The following SEMA6D variants were observed in gnomAD, a reference collection of about 807,000 sequenced individuals.
The protein encoded by SEMA6D is semaphorin-6D.
A neutral mutation model predicts 106.6 loss-of-function variants in SEMA6D; 35 were observed. That is an observed-to-expected ratio of 0.33 (90% confidence interval 0.25 to 0.44). SEMA6D has a LOEUF of 0.44. Ranked by LOEUF, SEMA6D falls within the 20% of genes least tolerant of loss-of-function variation. The pLI, the probability that SEMA6D is intolerant of heterozygous loss-of-function variation, is 1.00. For synonymous variants in SEMA6D, 499 were observed against 487.7 expected, an observed-to-expected ratio of 1.02 and a Z score of -0.31; for missense variants, 1,185 against 1,345.9, an observed-to-expected ratio of 0.88 and a Z score of 1.87.
intron 1 of SEMA6D, among the ~76,000 whole-genome samples, chr15:47,754,668 A>AT (rs2081615363): frequency 6.6e-6 from 1 of 152,132 alleles, no homozygotes; most frequent in South Asian, 2.1e-4. Context: ...GCTTATAATC[A>AT]TATCAGTTTT....
At chr15:47,302,761 C>G (rs2036073121) in intron 1 of SEMA6D, among the ~76,000 whole-genome samples, 1 of 152,158 alleles carries the variant, frequency 6.6e-6, no homozygotes, top group Non-Finnish European at 1.5e-5. Context: ...CCTCTGGAAG[C>G]AGGAAAAAGC....
chr15:47,763,190 C>A, intron 9 of SEMA6D, 86 bp downstream of exon 9: 2 of 1,018,690 alleles, frequency 2.0e-6, no homozygotes, highest in Non-Finnish European at 2.9e-6. Context: ...GCTCACTTGG[C>A]ATGTTTTCCA....
chr15:47,518,515 GCTC>G (rs2044463554), intron 3 of SEMA6D, among the ~76,000 whole-genome samples: 2 of 152,186 alleles, frequency 1.3e-5, no homozygotes, highest in Admixed American at 6.5e-5. Context: ...ATAGCCCATT[GCTC>G]CTCAGCTACA....
chr15:47,412,145 A>G (rs1414825471), intron 1 of SEMA6D, among the ~76,000 whole-genome samples: 2 of 152,034 alleles, frequency 1.3e-5, no homozygotes, highest in African/African-American at 4.8e-5. Context: ...GCTTGTATTC[A>G]TGAATAGCCT....
chr15:47,215,760 C>G (rs1369020845), intron 1 of SEMA6D, among the ~76,000 whole-genome samples: 1 of 152,066 alleles, frequency 6.6e-6, no homozygotes, highest in Non-Finnish European at 1.5e-5. Context: ...TCTTGCTCAC[C>G]TATAGAACAC....
chr15:47,201,677 T>C (rs991592430), intron 1 of SEMA6D, among the ~76,000 whole-genome samples: 3 of 152,130 alleles, frequency 2.0e-5, no homozygotes, highest in Non-Finnish European at 4.4e-5. Flanking sequence ...GCCGTAATGT[T>C]TAACCATACC....
At chr15:47,471,904 TTCTC>T (rs375802887) in intron 3 of SEMA6D, among the ~76,000 whole-genome samples, 391 of 123,696 alleles carry the variant, frequency 3.2e-3, no homozygotes, top group African/African-American at 9.3e-3. Context: ...GCTGTGCTCT[TTCTC>T]TCTCTCTCTC....
At chr15:47,402,747 C>CTTTTT (rs11344225) in intron 1 of SEMA6D, among the ~76,000 whole-genome samples, 1 of 121,510 alleles carries the variant, frequency 8.2e-6, no homozygotes, top group African/African-American at 3.1e-5. Flanking sequence ...GTGAGCCAGA[C>CTTTTT]TTTTTTTTTT....
intron 3 of SEMA6D, among the ~76,000 whole-genome samples, chr15:47,515,374 C>T (rs2044357150): frequency 6.6e-6 from 1 of 152,180 alleles, no homozygotes; most frequent in African/African-American, 2.4e-5. Flanking sequence ...CTGTTTTTAT[C>T]ATCTGTTTCC....
chr15:47,404,409 A>C (rs2040494862), intron 1 of SEMA6D, among the ~76,000 whole-genome samples: 1 of 150,632 alleles, frequency 6.6e-6, no homozygotes, highest in African/African-American at 2.4e-5. Flanking sequence ...CCTGAAATTC[A>C]GCTAGATTCT....
At chr15:47,647,433 G>A (rs981263912) in intron 4 of SEMA6D, among the ~76,000 whole-genome samples, 8 of 152,136 alleles carry the variant, frequency 5.3e-5, no homozygotes, top group African/African-American at 1.7e-4. Context: ...CAGATGAAAC[G>A]CATGATAAGT....
intron 3 of SEMA6D, among the ~76,000 whole-genome samples, chr15:47,539,877 CTG>C (rs2045301589): frequency 6.6e-6 from 1 of 152,074 alleles, no homozygotes; most frequent in Non-Finnish European, 1.5e-5. Flanking sequence ...TTGCATTTCA[CTG>C]GGGAAATCAT....
chr15:47,654,236 G>A (rs888927469), intron 4 of SEMA6D, among the ~76,000 whole-genome samples: 2 of 152,140 alleles, frequency 1.3e-5, no homozygotes, highest in African/African-American at 4.8e-5. Flanking sequence ...GTTGACCCTT[G>A]AACAATCAAT....
At chr15:47,697,083 A>T (rs1023084075) in intron 4 of SEMA6D, among the ~76,000 whole-genome samples, 1 of 152,140 alleles carries the variant, frequency 6.6e-6, no homozygotes, top group Non-Finnish European at 1.5e-5. Flanking sequence ...ATAAGGGAAA[A>T]AATGTATTTA....
upstream of SEMA6D, among the ~76,000 whole-genome samples, chr15:47,712,667 T>G (rs2146103621): frequency 6.6e-6 from 1 of 152,330 alleles, no homozygotes; most frequent in East Asian, 1.9e-4. Context: ...TAAATAAACT[T>G]TTAATTTCTA....
chr15:47,700,714 C>T (rs1181475661), intron 4 of SEMA6D, among the ~76,000 whole-genome samples: 5 of 151,944 alleles, frequency 3.3e-5, no homozygotes, highest in Admixed American at 6.6e-5. Flanking sequence ...CGCTTGAGCC[C>T]AGGGGTTCGA....
At chr15:47,583,605 G>A (rs764240861) in intron 3 of SEMA6D, among the ~76,000 whole-genome samples, 37 of 152,250 alleles carry the variant, frequency 2.4e-4, no homozygotes, top group African/African-American at 7.9e-4. Context: ...TCACTCCTAG[G>A]CATGGCTTGG....
At chr15:47,339,032 A>G (rs1209635143) in intron 1 of SEMA6D, 1 of 152,152 alleles carries the variant, frequency 6.6e-6, no homozygotes, top group East Asian at 1.9e-4. Context: ...GTTTTCAATC[A>G]TGCCTATGTA....
chr15:47,625,697 TTAA>T (rs200573409), intron 4 of SEMA6D, among the ~76,000 whole-genome samples: 31 of 150,122 alleles, frequency 2.1e-4, no homozygotes, highest in South Asian at 4.2e-4. Context: ...CTCAAAAATA[TTAA>T]TAATAATAAT....
Sources: gnomAD v4.1 joint callset for allele counts (sites outside exome capture counted in the v4.1 genomes callset) on GRCh38, gnomAD v4.1.1 for gene constraint, MANE v1.5 for transcripts, NCBI Gene and HGNC (gene_info 2026-07-23, HGNC 2026-07-21) for gene names.